NDUFAF6: variants seen among roughly 807,000 people sequenced by gnomAD.
NDUFAF6 encodes the protein NADH:ubiquinone oxidoreductase complex assembly factor 6.
A neutral mutation model predicts 40.8 loss-of-function variants in NDUFAF6; 45 were observed. That is an observed-to-expected ratio of 1.10 (90% confidence interval 0.87 to 1.42). NDUFAF6 has a LOEUF of 1.42. NDUFAF6 is among the 40% of genes most tolerant of loss of function. The pLI is 0.00. For missense variants in NDUFAF6, 435 were observed against 418.5 expected (o/e 1.04, Z -0.34); for synonymous variants, 185 against 155.9 (o/e 1.19, Z -1.39).
chr8:95,050,129 T>C (rs962919298), intron 7 of NDUFAF6, among the ~76,000 whole-genome samples: 9 of 152,176 alleles, frequency 5.9e-5, no homozygotes, highest in African/African-American at 2.2e-4. Flanking sequence ...TACAGAATCA[T>C]GAGAGGCAGG....
rs769847801 is a variant in NDUFAF6, at chr8:95,045,677, T to G, written c.580+30T>G. Reference sequence around the variant, plus strand: ...GTTGTTTTTCTGTTTCATACTTCTTTTTTCCAATAAAATACCTATGAGATT... The same window carrying G: ...GTTGTTTTTCTGTTTCATACTTCTTGTTTCCAATAAAATACCTATGAGATT... On this transcript the variant is annotated intron_variant, in intron 5 of 8. Coordinates refer to ENST00000396124, the MANE Select transcript of NDUFAF6 (RefSeq NM_152416.4). 4.5e-6 allele frequency: 7 copies of G among 1,553,520 alleles called. No individual in the cohort carries two copies. In the Admixed American group the frequency reaches 8.4e-5, roughly 19 times the overall value.
chr8:94,979,807 G>A (rs557035511), intron 1 of NDUFAF6, among the ~76,000 whole-genome samples: 6 of 152,226 alleles, frequency 3.9e-5, no homozygotes, highest in South Asian at 2.1e-4. Flanking sequence ...AAGACAGGCC[G>A]GAATGGGCTG....
exon 10 of NDUFAF6, chr8:95,076,075 G>T: frequency 1.2e-5 from 2 of 163,612 alleles, no homozygotes; most frequent in Admixed American, 6.1e-5. Flanking sequence ...AGGTCTCAAT[G>T]GTCTTTTTAC....
At chr8:94,934,923 A>G (rs1294564266) in intron 1 of NDUFAF6, among the ~76,000 whole-genome samples, 1 of 152,200 alleles carries the variant, frequency 6.6e-6, no homozygotes, top group Non-Finnish European at 1.5e-5. Flanking sequence ...GCCTGGCATC[A>G]TGTAACATAA....
At chr8:94,941,092 C>G in intron 1 of NDUFAF6, 1 of 602,638 alleles carries the variant, frequency 1.7e-6, no homozygotes, top group Non-Finnish European at 2.9e-6. Context: ...GTCATTGTAC[C>G]TAAAATAAAA....
intron 4 of NDUFAF6, among the ~76,000 whole-genome samples, chr8:95,043,607 A>G (rs2131868944): frequency 6.6e-6 from 1 of 152,332 alleles, no homozygotes; most frequent in East Asian, 1.9e-4. Flanking sequence ...AGGTGTACAA[A>G]TGACCAATAA....
chr8:95,032,680 T>G (rs1309026364), intron 2 of NDUFAF6, among the ~76,000 whole-genome samples: 1 of 152,218 alleles, frequency 6.6e-6, no homozygotes, highest in Non-Finnish European at 1.5e-5. Flanking sequence ...AGCCTTAGTC[T>G]TCTCAGTAAT....
chr8:94,993,596 A>T (rs1209662656), intron 2 of NDUFAF6, among the ~76,000 whole-genome samples: 2 of 152,184 alleles, frequency 1.3e-5, no homozygotes, highest in African/African-American at 4.8e-5. Flanking sequence ...ATAAGTGGGC[A>T]TGGAGGAGGA....
chr8:94,925,464 G>A (rs1819806833), intron 1 of NDUFAF6, among the ~76,000 whole-genome samples: 1 of 151,890 alleles, frequency 6.6e-6, no homozygotes, highest in Non-Finnish European at 1.5e-5. Flanking sequence ...TTTAAACATT[G>A]ATTGGAGGGA....
At chr8:95,014,972 G>T (rs1355960677) in intron 2 of NDUFAF6, among the ~76,000 whole-genome samples, 3 of 152,120 alleles carry the variant, frequency 2.0e-5, no homozygotes, top group Non-Finnish European at 2.9e-5. Flanking sequence ...GTGCTGTTTG[G>T]CTTCCTCAGG....
chr8:94,902,852 C>T (rs932538491), intron 1 of NDUFAF6, among the ~76,000 whole-genome samples: 6 of 151,962 alleles, frequency 3.9e-5, no homozygotes, highest in South Asian at 4.2e-4. Flanking sequence ...CCCACCACCA[C>T]GCCCAGCTAA....
chr8:95,050,352 G>C (rs566250771), intron 7 of NDUFAF6, among the ~76,000 whole-genome samples: 1 of 152,194 alleles, frequency 6.6e-6, no homozygotes, highest in Middle Eastern at 3.2e-3. Context: ...GATAGGTTTG[G>C]AATGGTGGAT....
chr8:95,088,286 GCC>G (rs1461182768), intron 2 of NDUFAF6, among the ~76,000 whole-genome samples: 2 of 152,220 alleles, frequency 1.3e-5, no homozygotes, highest in Non-Finnish European at 2.9e-5. Flanking sequence ...TGACAGATAT[GCC>G]CATTGGATGG....
intron 1 of NDUFAF6, among the ~76,000 whole-genome samples, chr8:95,028,742 A>G (rs764621914): frequency 1.3e-5 from 2 of 152,202 alleles, no homozygotes; most frequent in Non-Finnish European, 2.9e-5. Flanking sequence ...ATTAATAACC[A>G]GTTCGGTGAT....
chr8:95,037,419 A>G, intron 3 of NDUFAF6, among the ~76,000 whole-genome samples: 1 of 152,204 alleles, frequency 6.6e-6, no homozygotes, highest in Non-Finnish European at 1.5e-5. Flanking sequence ...TGTGCTAGGA[A>G]TGGTGCTTGA....
At chr8:95,088,724 TGTGTTTTCTTTTTG>T (rs1183017467) in intron 2 of NDUFAF6, among the ~76,000 whole-genome samples, 1 of 72,336 alleles carries the variant, frequency 1.4e-5, no homozygotes, top group African/African-American at 7.1e-5. Context: ...TGTGTGTGTG[TGTGTTTTCTTTTTG>T]TTTTCTTGTT....
At chr8:95,049,343 G>T (rs536311955) in intron 7 of NDUFAF6, among the ~76,000 whole-genome samples, 176 of 152,246 alleles carry the variant, frequency 1.2e-3, no homozygotes, top group African/African-American at 4.0e-3. Context: ...TTCCCTAAGA[G>T]TTGGTTCTTC....
At chr8:95,033,144 G>A (rs926080564) in intron 2 of NDUFAF6, among the ~76,000 whole-genome samples, 35 of 152,086 alleles carry the variant, frequency 2.3e-4, no homozygotes, top group African/African-American at 7.5e-4. Context: ...GGGCTTTAAA[G>A]CAATCCTCCC....
At chr8:95,112,425 C>T (rs1810022722) in intron 4 of NDUFAF6, among the ~76,000 whole-genome samples, 1 of 152,136 alleles carries the variant, frequency 6.6e-6, no homozygotes, top group African/African-American at 2.4e-5. Context: ...ACTGGAGCTC[C>T]ACTGACACAA....
Sources: allele counts gnomAD v4.1 joint callset (sites outside exome capture counted in the v4.1 genomes callset), GRCh38; gene constraint gnomAD v4.1.1; transcripts MANE v1.5; gene names NCBI Gene and HGNC (gene_info 2026-07-23, HGNC 2026-07-21).